The following DMTN variants were observed in gnomAD, a reference collection of about 807,000 sequenced individuals.
The protein encoded by DMTN is dematin.
Under a neutral mutation model 59.4 loss-of-function variants are expected in DMTN, and 27 were observed. The ratio of observed to expected loss-of-function variants is 0.45; its 90% CI spans 0.33 to 0.63. DMTN has a LOEUF of 0.63. Ranked by LOEUF, DMTN falls within the 20% of genes least tolerant of loss-of-function variation. The pLI is 0.02. For synonymous variants in DMTN, 221 were observed against 203.7 expected (o/e 1.08, Z -0.72); for missense variants, 451 against 528.9 (o/e 0.85, Z 1.45).
At chr8:22,071,085 TATTTA>T (rs1815021609) in intron 8 of DMTN, among the ~76,000 whole-genome samples, 1 of 2,940 alleles carries the variant, frequency 3.4e-4, no homozygotes, top group Non-Finnish European at 0.01. Context: ...ATTTTTATTT[TATTTA>T]TTTATTTATT....
At chr8:22,081,092 T>G in intron 14 of DMTN, 21 bp from the exon 15 acceptor site, 1 of 1,547,316 alleles carries the variant, frequency 6.5e-7, no homozygotes, top group Non-Finnish European at 8.9e-7. Flanking sequence ...AGCCTAAGAT[T>G]GCCCCTCCCC....
upstream of DMTN, among the ~76,000 whole-genome samples, chr8:22,051,707 C>T (rs56176965): frequency 0.39 from 59,607 of 152,056 alleles, 13,350 homozygotes; most frequent in Non-Finnish European, 0.51. Context: ...CGTGACTGCT[C>T]TCTGCCAAAC....
intron 1 of DMTN, among the ~76,000 whole-genome samples, chr8:22,064,672 A>C (rs1809141314): frequency 6.6e-6 from 1 of 152,156 alleles, no homozygotes; most frequent in Non-Finnish European, 1.5e-5. Flanking sequence ...GTTAGCCAGG[A>C]TGGTCTCAGT....
Position 22,066,799 on chromosome 8 carries a change from C to A in DMTN, c.-77C>A. On this transcript the variant is annotated 5_prime_UTR_variant, in exon 2 of 16. Coordinates refer to ENST00000358242, the MANE Select transcript of DMTN (RefSeq NM_001387751.1). ...CCAAGCGCGCAGCGCCCAGCAGCCG[C>A]GCCGAGCCTGACACGCTGTCCTCTC... The A allele has an allele frequency of 7.1e-7, 1 of 1,403,592 alleles. No homozygotes were observed. Among genetic ancestry groups the A allele is most frequent in the South Asian group, 1.4e-5 (1 of 71,478 alleles). 86.9% of individuals were successfully genotyped at this position (1,403,592 alleles called of 1,614,324 possible).
In DMTN at chr8:22,081,694, G is replaced by T. The variant is rs1824362385; in HGVS notation, c.*231G>T. Reference sequence around the variant, plus strand: ...CCTGGCCCTCCCTGCACAGGGCAAAGCCAGTCTGGGCTCTGGCACACAGAG... The same window carrying T: ...CCTGGCCCTCCCTGCACAGGGCAAATCCAGTCTGGGCTCTGGCACACAGAG... On this transcript the variant is annotated 3_prime_UTR_variant, in exon 16 of 16. Transcript: ENST00000358242. 2 of 592,508 alleles carry T rather than the reference G, an allele frequency of 3.4e-6. No individual in the cohort carries two copies. The highest frequency in any genetic ancestry group is 6.1e-6 in the Non-Finnish European group (2 of 326,826). 36.7% of individuals were successfully genotyped at this position (592,508 alleles called of 1,614,324 possible).
rs3808651 is a variant in DMTN, at chr8:22,058,152, G to A, written c.-172+1016G>A. On this transcript the variant is annotated intron_variant, in intron 1 of 15. Coordinates refer to ENST00000358242, the MANE Select transcript of DMTN (RefSeq NM_001387751.1). The surrounding 1 kb of genome is among the most constrained non-coding windows in gnomAD (Gnocchi z 4.3). ...CTTCGGAGTCTCCCCGCGTGCATGC[G>A]TCCTGCAACGGTTTCAGCGCGGGCG... Among the ~76,000 whole-genome samples, 10 of 152,272 alleles carry A rather than the reference G, an allele frequency of 6.6e-5. No homozygotes were observed. In the East Asian group the frequency reaches 1.7e-3, roughly 27 times the overall value.
chr8:22,072,289 G>T, intron 8 of DMTN, 37 bp from the exon 9 acceptor site: 2 of 1,575,320 alleles, frequency 1.3e-6, no homozygotes, highest in South Asian at 1.2e-5. Context: ...ACCCCATGGC[G>T]AGTGACTCCC....
Position 22,067,104 on chromosome 8 carries a change from G to C in DMTN, c.38G>C (p.Gly13Ala). The C allele has an allele frequency of 6.2e-7, 1 of 1,605,312 alleles. No homozygotes were observed. The highest frequency in any genetic ancestry group is 8.5e-7 in the Non-Finnish European group (1 of 1,176,572). ...RLQKQPLTSP[G>A]SVSPSRDSSV... ...CCCCAGCAACCACTTACCTCCCCCG[G>C]GAGCGTGAGCCCCTCCCGAGATTCC... The change falls in exon 3 of 16, where the codon GGG becomes GCG. Residue 13 changes from glycine (G) to alanine (A), a missense_variant. Physicochemically the swap from Gly to Ala is moderately conservative, Grantham distance 60 (BLOSUM62 0). Coordinates refer to ENST00000358242, the MANE Select transcript of DMTN (RefSeq NM_001387751.1).
At chr8:22,070,449 T>A in intron 8 of DMTN, 115 bp downstream of exon 8, 1 of 1,339,332 alleles carries the variant, frequency 7.5e-7, no homozygotes, top group Non-Finnish European at 9.8e-7. Flanking sequence ...GGTGTCCTCG[T>A]GGGCTTTTTC....
intron 10 of DMTN, among the ~76,000 whole-genome samples, chr8:22,079,303 A>ATATATATATATATATATATATAT (rs67715172): frequency 1.7e-4 from 9 of 52,218 alleles, no homozygotes; most frequent in Non-Finnish European, 2.8e-4. Flanking sequence ...TATATATATT[A>ATATATATATATATATATATATAT]GCTGGGTTTG....
At chr8:22,066,234 G>T (rs1810501012) in intron 1 of DMTN, among the ~76,000 whole-genome samples, 1 of 152,200 alleles carries the variant, frequency 6.6e-6, no homozygotes, top group Non-Finnish European at 1.5e-5. Context: ...GTCATGGTAG[G>T]CACTCACAAA....
In DMTN at chr8:22,066,841, T is replaced by A; in HGVS notation, c.-35T>A. 7.1e-7 allele frequency: 1 copy of A among 1,416,182 alleles called. No individual in the cohort carries two copies. Among genetic ancestry groups the A allele is most frequent in the Non-Finnish European group, 9.2e-7 (1 of 1,082,246 alleles). The allele number at this position is 1,416,182 out of a possible 1,614,324, so 87.7% of individuals were successfully genotyped here. A position where few individuals can be genotyped will look rare whatever the true frequency, so the allele number is the denominator to read the frequency against. On this transcript the variant is annotated 5_prime_UTR_variant, in exon 2 of 16. Coordinates refer to ENST00000358242, the MANE Select transcript of DMTN (RefSeq NM_001387751.1). Reference sequence around the variant, plus strand: ...TGTCCTCTCCCCTCGCGCACAGGGCTCTGCGAGTGACCCGGCGGGCGAGCT... The same window carrying A: ...TGTCCTCTCCCCTCGCGCACAGGGCACTGCGAGTGACCCGGCGGGCGAGCT...
At chr8:22,075,129 G>T (rs1371494238) in intron 10 of DMTN, among the ~76,000 whole-genome samples, 3 of 150,948 alleles carry the variant, frequency 2.0e-5, no homozygotes, top group Non-Finnish European at 4.4e-5. Context: ...GGAGGTTGCA[G>T]TGAGTCGAGA....
At chr8:22,068,722 G>GA (rs1812763268) in intron 4 of DMTN, among the ~76,000 whole-genome samples, 1 of 151,520 alleles carries the variant, frequency 6.6e-6, no homozygotes, top group Non-Finnish European at 1.5e-5. Context: ...AGATGAGAGC[G>GA]GGAGAGAGGA....
chr8:22,072,229 G>A, intron 8 of DMTN, 97 bp from the exon 9 acceptor site: 1 of 1,400,450 alleles, frequency 7.1e-7, no homozygotes, highest in South Asian at 1.5e-5. Context: ...GCCTTATCAA[G>A]GTCCAGCCCA....
rs1824320694 is a variant in DMTN, at chr8:22,081,584, T to TG, written c.*127dup. On this transcript the variant is annotated 3_prime_UTR_variant, in exon 16 of 16. Coordinates refer to ENST00000358242, the MANE Select transcript of DMTN (RefSeq NM_001387751.1). Reference sequence around the variant, plus strand: ...GGTGGGCTCCTTTCCTCAGGTAGAGTGGGGGGCCAAAACCTCTGCAGTCCC... The same window carrying TG: ...GGTGGGCTCCTTTCCTCAGGTAGAGTGGGGGGGCCAAAACCTCTGCAGTCCC... The TG allele has an allele frequency of 1.2e-6, 1 of 808,958 alleles. No individual in the cohort carries two copies. 50.1% of individuals were successfully genotyped at this position (808,958 alleles called of 1,614,324 possible).
chr8:22,069,120 C>T (rs559237674), intron 5 of DMTN, 60 bp downstream of exon 5: 4 of 1,565,636 alleles, frequency 2.6e-6, no homozygotes, highest in African/African-American at 2.7e-5. Flanking sequence ...TCCTAACTCC[C>T]TCCCCTCACA....
At chr8:22,076,557 G>A (rs1467639030) in intron 10 of DMTN, among the ~76,000 whole-genome samples, 1 of 151,114 alleles carries the variant, frequency 6.6e-6, no homozygotes, top group Non-Finnish European at 1.5e-5. Flanking sequence ...TGACAGAGTG[G>A]GATCCTGTCT....
intron 5 of DMTN, 148 bp from the exon 6 acceptor site, chr8:22,069,271 C>G: frequency 1.2e-6 from 1 of 868,888 alleles, no homozygotes; most frequent in Non-Finnish European, 1.8e-6. Context: ...TCAGTAGGTC[C>G]TTGGAACTGT....
Sources: gnomAD v4.1 joint callset for allele counts (sites outside exome capture counted in the v4.1 genomes callset) on GRCh38, gnomAD v4.1.1 for gene constraint, Gnocchi (gnomAD v3.1) non-coding constraint, MANE v1.5 for transcripts, NCBI Gene and HGNC (gene_info 2026-07-23, HGNC 2026-07-21) for gene names.